RABGAP1L: variants seen among roughly 807,000 people sequenced by gnomAD.
RABGAP1L encodes RAB GTPase activating protein 1 like.
RABGAP1L carries 63 observed loss-of-function variants against 137.7 expected under a neutral mutation model. The observed-to-expected ratio is 0.46, with a 90% CI of 0.37 to 0.56. The LOEUF is 0.56. Among genes scored for constraint, RABGAP1L ranks in the 20% least tolerant of loss-of-function variants. The pLI, the probability that RABGAP1L is intolerant of heterozygous loss-of-function variation, is 0.00. For missense variants in RABGAP1L, 1,095 were observed against 1,244.0 expected (o/e 0.88, Z 1.80); for synonymous variants, 431 against 433.7 (o/e 0.99, Z 0.08).
intron 19 of RABGAP1L, among the ~76,000 whole-genome samples, chr1:174,892,224 C>T (rs138280485): frequency 5.1e-4 from 77 of 152,332 alleles, no homozygotes; most frequent in African/African-American, 1.8e-3. Flanking sequence ...TGCCCTCTCC[C>T]GCCTGGGCTC....
rs539014119 is a variant in RABGAP1L at position 174,572,966 on chromosome 1, AT to A, written c.1711-64405del. 6.8e-3 allele frequency among the ~76,000 whole-genome samples: 1,028 copies of A among 152,188 alleles called. 13 individuals are homozygous for A. Among genetic ancestry groups the A allele is most frequent in the African/African-American group, 0.023 (967 of 41,530 alleles). On this transcript the variant is annotated intron_variant, in intron 13 of 25. Transcript: ENST00000681986. ...GGCAGTTAATTAAGCCAATTCCTTC[AT>A]TTTGTGGTTAAGTGCACTCAGATCC...
intron 8 of RABGAP1L, among the ~76,000 whole-genome samples, chr1:174,274,527 G>A (rs1233124730): frequency 6.6e-6 from 1 of 151,842 alleles, no homozygotes; most frequent in Non-Finnish European, 1.5e-5. Flanking sequence ...TATAAGTACG[G>A]TGTATTCTAT....
intron 11 of RABGAP1L, among the ~76,000 whole-genome samples, chr1:174,320,606 A>T (rs1679871282): frequency 6.6e-6 from 1 of 152,114 alleles, no homozygotes; most frequent in African/African-American, 2.4e-5. Flanking sequence ...TCATGGACAT[A>T]CATTAGTTCC....
At chr1:174,718,645 T>C (rs980438407) in intron 17 of RABGAP1L, among the ~76,000 whole-genome samples, 1 of 152,078 alleles carries the variant, frequency 6.6e-6, no homozygotes, top group Non-Finnish European at 1.5e-5. Flanking sequence ...AATAAAACGT[T>C]CCTCCAGCTG....
At chr1:174,712,193 T>C (rs538268609) in intron 17 of RABGAP1L, among the ~76,000 whole-genome samples, 1 of 152,164 alleles carries the variant, frequency 6.6e-6, no homozygotes, top group Non-Finnish European at 1.5e-5. Context: ...CAGCAGGATG[T>C]GGGTGGGGCC....
intron 1 of RABGAP1L, among the ~76,000 whole-genome samples, chr1:174,212,994 A>G (rs1035283837): frequency 6.6e-6 from 1 of 152,220 alleles, no homozygotes; most frequent in African/African-American, 2.4e-5. Context: ...ACTGTGAAGA[A>G]ATCCAAAACC....
intron 1 of RABGAP1L, among the ~76,000 whole-genome samples, chr1:174,162,808 A>G (rs1404307138): frequency 2.2e-5 from 1 of 45,000 alleles, no homozygotes; most frequent in East Asian, 8.8e-4. Flanking sequence ...TTTTTTAATT[A>G]TACTTTAAGT....
intron 13 of RABGAP1L, among the ~76,000 whole-genome samples, chr1:174,635,509 A>G (rs1185012143): frequency 6.6e-6 from 1 of 152,196 alleles, no homozygotes; most frequent in Non-Finnish European, 1.5e-5. Flanking sequence ...ACTTTATATA[A>G]TACCTTTATA....
intron 3 of RABGAP1L, among the ~76,000 whole-genome samples, chr1:174,228,904 G>T (rs1227439900): frequency 6.6e-6 from 1 of 152,140 alleles, no homozygotes; most frequent in Admixed American, 6.6e-5. Flanking sequence ...GCAGAATGTG[G>T]ATTTTAGGTA....
chr1:174,926,597 C>T (rs538424971), intron 19 of RABGAP1L, among the ~76,000 whole-genome samples: 10 of 151,228 alleles, frequency 6.6e-5, no homozygotes, highest in South Asian at 2.1e-4. Flanking sequence ...AAATTAATCT[C>T]GTATGTAACA....
intron 23 of RABGAP1L, among the ~76,000 whole-genome samples, chr1:174,979,257 A>G (rs1020640419): frequency 5.3e-5 from 8 of 152,220 alleles, no homozygotes; most frequent in African/African-American, 1.9e-4. Context: ...TTTTGTTTTT[A>G]AAGTTTCCAG....
chr1:174,725,304 G>A (rs1000607008), intron 17 of RABGAP1L, among the ~76,000 whole-genome samples: 1 of 152,186 alleles, frequency 6.6e-6, no homozygotes, highest in Non-Finnish European at 1.5e-5. Context: ...AATATTATTG[G>A]TGGTGTGTCT....
At chr1:174,967,789 C>T (rs978254914) in intron 20 of RABGAP1L, among the ~76,000 whole-genome samples, 2 of 152,112 alleles carry the variant, frequency 1.3e-5, no homozygotes, top group African/African-American at 4.8e-5. Context: ...ACCCAGCCTT[C>T]TCCAGTATTT....
intron 13 of RABGAP1L, among the ~76,000 whole-genome samples, chr1:174,600,297 A>T (rs1179990997): frequency 6.6e-6 from 1 of 152,178 alleles, no homozygotes; most frequent in Non-Finnish European, 1.5e-5. Flanking sequence ...ATGGGGAGAC[A>T]GCCAAACCAT....
chr1:174,680,725 C>T (rs958153384), intron 14 of RABGAP1L, among the ~76,000 whole-genome samples: 1 of 152,046 alleles, frequency 6.6e-6, no homozygotes, highest in Non-Finnish European at 1.5e-5. Context: ...AACCCCATCC[C>T]TACTAAAAAT....
At chr1:174,727,788 A>G (rs565483279) in intron 17 of RABGAP1L, among the ~76,000 whole-genome samples, 1 of 152,372 alleles carries the variant, frequency 6.6e-6, no homozygotes, top group Admixed American at 6.5e-5. Flanking sequence ...CATTGTAAGC[A>G]ATAATATGCA....
chr1:174,985,740 A>T (rs1321113237), intron 24 of RABGAP1L, among the ~76,000 whole-genome samples: 1 of 152,238 alleles, frequency 6.6e-6, no homozygotes, highest in South Asian at 2.1e-4. Flanking sequence ...ATGCAGAATT[A>T]GATTGGCCAC....
rs147033050 is a variant in RABGAP1L, at chr1:174,387,267, A to G, written c.1560-6728A>G. ...TTCAACTTTTAAGTCTTAATCATCT[A>G]TTCTTTCTTGGGGACTTTAACAGAC... On this transcript the variant is annotated intron_variant, in intron 12 of 25. Transcript: ENST00000681986. Among the ~76,000 whole-genome samples, 12 of 152,296 alleles carry G rather than the reference A, an allele frequency of 7.9e-5. 1 individual carries two copies. The East Asian group carries it at 1.9e-3, about 24-fold the overall frequency.
At chr1:174,959,475 T>C (rs1009799461) in intron 20 of RABGAP1L, among the ~76,000 whole-genome samples, 1 of 152,202 alleles carries the variant, frequency 6.6e-6, no homozygotes, top group Non-Finnish European at 1.5e-5. Flanking sequence ...AAAGCAGGTA[T>C]GTATACATTA....
Sources: gnomAD v4.1 joint callset for allele counts (sites outside exome capture counted in the v4.1 genomes callset) on GRCh38, gnomAD v4.1.1 for gene constraint, MANE v1.5 for transcripts, NCBI Gene and HGNC (gene_info 2026-07-23, HGNC 2026-07-21) for gene names.